ZNF624: variants seen among roughly 807,000 people sequenced by gnomAD.
The protein encoded by ZNF624 is zinc finger protein 624.
Under a neutral mutation model 74.7 loss-of-function variants are expected in ZNF624, and 43 were observed. The observed-to-expected ratio is 0.58, with a 90% CI of 0.45 to 0.74. The LOEUF (loss-of-function observed/expected upper bound fraction) is 0.74. Among genes scored for constraint, ZNF624 ranks in the 30% least tolerant of loss-of-function variants. The pLI is 0.00. For synonymous variants in ZNF624, 331 were observed against 341.3 expected (o/e 0.97, Z 0.33); for missense variants, 820 against 1,030.0 (o/e 0.80, Z 2.79).
chr17:16,618,986 A>C (rs1908846668), downstream of ZNF624, among the ~76,000 whole-genome samples: 1 of 152,202 alleles, frequency 6.6e-6, no homozygotes, highest in African/African-American at 2.4e-5. Context: ...CGAATTGTTC[A>C]AAGGTCAACT....
downstream of ZNF624, chr17:16,617,748 G>T: frequency 6.2e-7 from 1 of 1,604,348 alleles, no homozygotes; most frequent in East Asian, 2.2e-5. Context: ...GGTGTCGCGG[G>T]AGTCCTCGAA....
In ZNF624 at chr17:16,647,400, G is replaced by A; in HGVS notation, c.88-6C>T. Reference sequence around the variant, plus strand: ...GGCTGGGTAACTTCAGGGCTCTGATGGGATACAGGATAAGATCATTCAGTG... The same window carrying A: ...GGCTGGGTAACTTCAGGGCTCTGATAGGATACAGGATAAGATCATTCAGTG... On this transcript the variant is annotated splice_region_variant and splice_polypyrimidine_tract_variant and intron_variant, in intron 2 of 5. Coordinates refer to ENST00000311331, the MANE Select transcript of ZNF624 (RefSeq NM_020787.4). The A allele has an allele frequency of 6.2e-7, 1 of 1,613,816 alleles. No individual in the cohort carries two copies. Among genetic ancestry groups the A allele is most frequent in the Non-Finnish European group, 8.5e-7 (1 of 1,179,712 alleles).
chr17:16,626,665 TC>T (rs1246863921), intron 5 of ZNF624, among the ~76,000 whole-genome samples: 1 of 152,116 alleles, frequency 6.6e-6, no homozygotes, highest in Non-Finnish European at 1.5e-5. Flanking sequence ...AGCTGGAGGA[TC>T]CCCTGAGCCC....
chr17:16,644,069 C>T (rs920433444), intron 3 of ZNF624, among the ~76,000 whole-genome samples: 3 of 152,186 alleles, frequency 2.0e-5, no homozygotes, highest in Non-Finnish European at 4.4e-5. Context: ...CCCTCTCCCT[C>T]TCTTGCTATG....
At chr17:16,634,563 C>T (rs1909281334) in intron 4 of ZNF624, 67 bp downstream of exon 4, 3 of 1,549,702 alleles carry the variant, frequency 1.9e-6, no homozygotes, top group Middle Eastern at 1.7e-4. Context: ...ACTTTAGAGG[C>T]CCTTTATCTT....
downstream of ZNF624, chr17:16,617,955 C>G (rs1483947913): frequency 5.3e-6 from 5 of 942,690 alleles, no homozygotes; most frequent in Non-Finnish European, 8.3e-6. Context: ...GGTGCGGGTG[C>G]GGGGACGGCA....
intron 4 of ZNF624, 77 bp downstream of exon 4, chr17:16,634,553 A>C: frequency 6.6e-7 from 1 of 1,513,822 alleles, no homozygotes; most frequent in Non-Finnish European, 8.9e-7. Flanking sequence ...TCAGTTAAGT[A>C]CTTTAGAGGC....
At position 16,622,546 on chromosome 17, in the gene ZNF624, G is replaced by A. The variant is rs1908945523; in HGVS notation, c.2340C>T (p.Tyr780=). Reference sequence around the variant, plus strand: ...AACCCTTTCCACATTCCTTACAGGTGTAGGGTTTTTCTCCAGTGTGTGTTC... The same window carrying A: ...AACCCTTTCCACATTCCTTACAGGTATAGGGTTTTTCTCCAGTGTGTGTTC... ...HWRTHTGEKP[Y]TCKECGKGCI... is the part of the protein sequence containing the mutation. Residue 780 remains tyrosine, a synonymous_variant, in exon 6 of 6, where the codon TAC becomes TAT. Coordinates refer to ENST00000311331, the MANE Select transcript of ZNF624 (RefSeq NM_020787.4). The A allele has an allele frequency of 6.2e-7, 1 of 1,613,850 alleles. No homozygotes were observed. Among genetic ancestry groups the A allele is most frequent in the Non-Finnish European group, 8.5e-7 (1 of 1,179,872 alleles).
chr17:16,652,032 G>A (rs1909737237), intron 1 of ZNF624, among the ~76,000 whole-genome samples: 2 of 152,052 alleles, frequency 1.3e-5, no homozygotes, highest in African/African-American at 4.8e-5. Context: ...AGGAGTGGGA[G>A]GGGGGTGGAG....
chr17:16,628,134 A>C (rs1192042187), intron 5 of ZNF624, among the ~76,000 whole-genome samples: 2 of 152,204 alleles, frequency 1.3e-5, no homozygotes, highest in Non-Finnish European at 1.5e-5. Context: ...ATGGTGGTGC[A>C]TGCCTGTAGT....
At chr17:16,629,197 CAAAAA>C (rs34250278) in intron 5 of ZNF624, among the ~76,000 whole-genome samples, 1 of 59,472 alleles carries the variant, frequency 1.7e-5, no homozygotes, top group East Asian at 5.8e-4. Flanking sequence ...GACTCCATCT[CAAAAA>C]AAAAAAAAAA....
At chr17:16,617,332 C>A, downstream of ZNF624, 1 of 1,613,672 alleles carries the variant, frequency 6.2e-7, no homozygotes, top group South Asian at 1.1e-5. Flanking sequence ...ATGGCTTGTG[C>A]GTGGCTTATC....
chr17:16,633,071 A>C (rs1290438736), intron 5 of ZNF624, among the ~76,000 whole-genome samples: 3 of 152,090 alleles, frequency 2.0e-5, no homozygotes. Flanking sequence ...AGCTCCCCTG[A>C]CCACCCTGTT....
intron 3 of ZNF624, among the ~76,000 whole-genome samples, chr17:16,637,606 A>T (rs1354662167): frequency 6.6e-6 from 1 of 152,238 alleles, no homozygotes; most frequent in Non-Finnish European, 1.5e-5. Flanking sequence ...GACAAAAACA[A>T]GAAATGGGGA....
intron 1 of ZNF624, among the ~76,000 whole-genome samples, chr17:16,652,205 A>G (rs1191186264): frequency 6.6e-6 from 1 of 152,198 alleles, no homozygotes; most frequent in Non-Finnish European, 1.5e-5. Flanking sequence ...AATAATGCAC[A>G]TGCATATATG....
chr17:16,647,481 G>A, intron 2 of ZNF624, 87 bp from the exon 3 acceptor site: 2 of 1,099,514 alleles, frequency 1.8e-6, no homozygotes, highest in Non-Finnish European at 2.8e-6. Context: ...ATCCACTGTG[G>A]ATGCAGTGTA....
downstream of ZNF624, chr17:16,617,484 T>G: frequency 6.2e-7 from 1 of 1,605,202 alleles, no homozygotes; most frequent in Non-Finnish European, 8.5e-7. Flanking sequence ...TTACTTAACC[T>G]GCTTGTCGCA....
chr17:16,648,441 T>C (rs551759956), intron 2 of ZNF624, among the ~76,000 whole-genome samples: 157 of 152,346 alleles, frequency 1.0e-3, no homozygotes, highest in Admixed American at 2.2e-3. Context: ...TCCAGAAAAT[T>C]AATGATGATG....
downstream of ZNF624, among the ~76,000 whole-genome samples, chr17:16,618,687 T>TTCC (rs60949514): frequency 0.23 from 35,661 of 151,980 alleles, 4,652 homozygotes; most frequent in East Asian, 0.35. Flanking sequence ...CCTCGTCGTC[T>TTCC]TCCACCTTAG....
Sources: gnomAD v4.1 joint callset for allele counts (sites outside exome capture counted in the v4.1 genomes callset) on GRCh38, gnomAD v4.1.1 for gene constraint, MANE v1.5 for transcripts, NCBI Gene and HGNC (gene_info 2026-07-23, HGNC 2026-07-21) for gene names.